The following IL1RAPL2 variants were observed in gnomAD, a reference collection of about 807,000 sequenced individuals.
The protein encoded by IL1RAPL2 is X-linked interleukin-1 receptor accessory protein-like 2.
IL1RAPL2 carries 3 observed loss-of-function variants against 44.1 expected under a neutral mutation model. That is an observed-to-expected ratio of 0.07 (90% CI 0.03 to 0.18). The LOEUF (loss-of-function observed/expected upper bound fraction) is 0.18, where lower values mean the gene tolerates loss of function less well. Ranked by LOEUF, IL1RAPL2 falls within the 10% of genes least tolerant of loss-of-function variation. The pLI is 1.00. For synonymous variants in IL1RAPL2, 181 were observed against 178.8 expected (o/e 1.01, Z -0.10); for missense variants, 391 against 496.4 (o/e 0.79, Z 2.02).
At chrX:105,141,100 G>T (rs182254457) in intron 2 of IL1RAPL2, among the ~76,000 whole-genome samples, 1 of 111,501 alleles carries the variant, frequency 9.0e-6, no homozygotes, top group East Asian at 2.8e-4. Flanking sequence ...CAATGTTTTC[G>T]TTAAAAGAAG....
chrX:105,303,544 TCTA>T (rs1451734908), intron 5 of IL1RAPL2, among the ~76,000 whole-genome samples: 1 of 112,084 alleles, frequency 8.9e-6, no homozygotes, highest in Non-Finnish European at 1.9e-5. Flanking sequence ...CACCCGTTAT[TCTA>T]CTCAGTTTCC....
intron 6 of IL1RAPL2, among the ~76,000 whole-genome samples, chrX:105,489,663 T>A (rs768063423): frequency 8.1e-5 from 9 of 110,468 alleles, no homozygotes; most frequent in African/African-American, 3.0e-4. Flanking sequence ...CCTTCCTTTC[T>A]TTCTTTCTTT....
intron 2 of IL1RAPL2, among the ~76,000 whole-genome samples, chrX:104,874,318 G>C (rs868572503): frequency 4.3e-5 from 2 of 46,670 alleles, no homozygotes; most frequent in Non-Finnish European, 8.2e-5. Flanking sequence ...CTCTCTCTCT[G>C]AAACTTAGGA....
chrX:105,562,143 T>C (rs954266065), intron 6 of IL1RAPL2, among the ~76,000 whole-genome samples: 7 of 111,528 alleles, frequency 6.3e-5, no homozygotes, highest in African/African-American at 9.8e-5. Flanking sequence ...ACAGGCAAGA[T>C]TTGAGAGCCA....
intron 1 of IL1RAPL2, among the ~76,000 whole-genome samples, chrX:104,636,452 A>C (rs910789609): frequency 4.4e-5 from 5 of 112,388 alleles, no homozygotes; most frequent in Non-Finnish European, 9.4e-5. Context: ...TGGAGTCTAC[A>C]GATGCAGGCA....
At chrX:105,685,093 T>A (rs531985188) in intron 6 of IL1RAPL2, among the ~76,000 whole-genome samples, 1 of 111,929 alleles carries the variant, frequency 8.9e-6, no homozygotes, top group African/African-American at 3.2e-5. Context: ...CCACAAAGAT[T>A]GGGAGAAACC....
chrX:104,848,439 AT>A (rs1922124558), intron 2 of IL1RAPL2, among the ~76,000 whole-genome samples: 2 of 78,538 alleles, frequency 2.5e-5, no homozygotes, highest in Admixed American at 1.5e-4. Context: ...ATATATATAT[AT>A]ATATATATAT....
chrX:105,361,423 T>A lies in IL1RAPL2; in HGVS notation c.697+93882T>A, dbSNP rs188382945. Among the ~76,000 whole-genome samples the A allele has an allele frequency of 3.0e-4, 34 of 111,503 alleles. No individual in the cohort carries two copies. The East Asian group carries it at 8.4e-3, about 28-fold the overall frequency. ...TTTATTGATATAATATTTATATTCA[T>A]GTTATTCCAAAAAAGAGTTGAAGCA... On this transcript the variant is annotated intron_variant, in intron 5 of 10. Transcript: ENST00000372582.
At chrX:104,828,932 G>T (rs1378772841) in intron 2 of IL1RAPL2, among the ~76,000 whole-genome samples, 1 of 112,393 alleles carries the variant, frequency 8.9e-6, no homozygotes, top group East Asian at 2.8e-4. Flanking sequence ...ACCCTGTTAG[G>T]GGAGAACGGC....
At chrX:104,731,460 T>TCTCTACTCACTGCAGC (rs1931916888) in intron 2 of IL1RAPL2, among the ~76,000 whole-genome samples, 1 of 110,918 alleles carries the variant, frequency 9.0e-6, no homozygotes. Flanking sequence ...TGGAATGCAG[T>TCTCTACTCACTGCAGC]GGCGCAGTCT....
At chrX:104,874,741 T>C (rs1922861422) in intron 2 of IL1RAPL2, among the ~76,000 whole-genome samples, 1 of 111,683 alleles carries the variant, frequency 9.0e-6, no homozygotes, top group African/African-American at 3.2e-5. Flanking sequence ...CCTAATGTTT[T>C]AGTGCACTGA....
intron 3 of IL1RAPL2, among the ~76,000 whole-genome samples, chrX:105,225,355 A>G (rs2034003552): frequency 8.9e-6 from 1 of 112,571 alleles, no homozygotes; most frequent in Non-Finnish European, 1.9e-5. Flanking sequence ...AATGTTTACT[A>G]TAACCTTGTC....
At chrX:104,731,457 C>T (rs1205218606) in intron 2 of IL1RAPL2, among the ~76,000 whole-genome samples, 1 of 111,374 alleles carries the variant, frequency 9.0e-6, no homozygotes, top group Non-Finnish European at 1.9e-5. Context: ...GGCTGGAATG[C>T]AGTGGCGCAG....
At chrX:105,017,340 C>A (rs989864845) in intron 2 of IL1RAPL2, among the ~76,000 whole-genome samples, 161 of 111,028 alleles carry the variant, frequency 1.5e-3, no homozygotes, top group African/African-American at 5.0e-3. Flanking sequence ...GATTGTAGGA[C>A]AAATGCTTGT....
intron 2 of IL1RAPL2, among the ~76,000 whole-genome samples, chrX:104,748,584 T>C (rs1932211535): frequency 9.0e-6 from 1 of 111,319 alleles, no homozygotes; most frequent in African/African-American, 3.3e-5. Context: ...TCTTACACCC[T>C]AGCCAACATG....
chrX:104,815,802 T>C lies in IL1RAPL2; in HGVS notation c.82+156807T>C, dbSNP rs771752816. On this transcript the variant is annotated intron_variant, in intron 2 of 10. Transcript: ENST00000372582. The stretch of plus-strand genomic sequence containing the variant: ...CTTCACCCTCTGCTTTATAGCCTTC[T>C]GTTTCATTCTGGGACACATTCCACC... Among the ~76,000 whole-genome samples the C allele has an allele frequency of 6.5e-4, 69 of 105,836 alleles. 1 individual carries two copies. The highest frequency in any genetic ancestry group is 1.1e-3 in the Non-Finnish European group (55 of 51,623). 91.9% of individuals were successfully genotyped at this position (105,836 alleles called of 115,157 possible). A position where few individuals can be genotyped will look rare whatever the true frequency, so the allele number is the denominator to read the frequency against.
At chrX:105,280,258 C>T (rs183056994) in intron 5 of IL1RAPL2, among the ~76,000 whole-genome samples, 220 of 111,703 alleles carry the variant, frequency 2.0e-3, no homozygotes, top group African/African-American at 5.8e-3. Context: ...TCCTTCCTTA[C>T]ACCTTATACA....
intron 3 of IL1RAPL2, among the ~76,000 whole-genome samples, chrX:105,211,942 G>A (rs782663210): frequency 3.6e-5 from 4 of 112,134 alleles, no homozygotes; most frequent in Admixed American, 9.4e-5. Flanking sequence ...GGGTTACTAC[G>A]CTTTTCCCAC....
intron 2 of IL1RAPL2, among the ~76,000 whole-genome samples, chrX:105,071,883 TTAAATA>T (rs1249425443): frequency 2.7e-5 from 3 of 111,449 alleles, no homozygotes; most frequent in African/African-American, 9.8e-5. Context: ...TATCAAAGAC[TTAAATA>T]TAAGACCTAA....
Sources: allele counts gnomAD v4.1 joint callset (sites outside exome capture counted in the v4.1 genomes callset), GRCh38; gene constraint gnomAD v4.1.1; transcripts MANE v1.5; gene names NCBI Gene and HGNC (gene_info 2026-07-23, HGNC 2026-07-21).